Variants in NAV2 observed in about 807,000 individuals in gnomAD.
NAV2 encodes the protein neuron navigator 2.
A neutral mutation model predicts 223.2 loss-of-function variants in NAV2; 54 were observed. The observed-to-expected ratio is 0.24, with a 90% CI of 0.19 to 0.30. The LOEUF is 0.30. Ranked by LOEUF, NAV2 falls within the 10% of genes least tolerant of loss-of-function variation. The pLI is 1.00. For synonymous variants in NAV2, 1,279 were observed against 1,239.3 expected (o/e 1.03, Z -0.67); for missense variants, 2,806 against 3,147.5 (o/e 0.89, Z 2.60).
intron 1 of NAV2, among the ~76,000 whole-genome samples, chr11:19,538,137 T>A (rs929180854): frequency 6.6e-6 from 1 of 152,144 alleles, no homozygotes; most frequent in African/African-American, 2.4e-5. Context: ...TCTTGGTTTG[T>A]TTTTTCTGGT....
At chr11:20,077,178 A>T (rs2059810884) in intron 22 of NAV2, among the ~76,000 whole-genome samples, 1 of 152,214 alleles carries the variant, frequency 6.6e-6, no homozygotes, top group Admixed American at 6.5e-5. Context: ...CTCAAAGTGT[A>T]TATCAGAAGT....
intron 1 of NAV2, among the ~76,000 whole-genome samples, chr11:19,413,527 A>C (rs1431574414): frequency 6.6e-6 from 1 of 152,202 alleles, no homozygotes; most frequent in Non-Finnish European, 1.5e-5. Context: ...AAGAACTTCC[A>C]CATCCTATCA....
At chr11:19,674,050 G>A (rs117455561) in intron 1 of NAV2, among the ~76,000 whole-genome samples, 3,212 of 152,318 alleles carry the variant, frequency 0.021, 54 homozygotes, top group Non-Finnish European at 0.033. Context: ...GGAAAGCAGC[G>A]TGGGCCGTCG....
intron 1 of NAV2, among the ~76,000 whole-genome samples, chr11:19,698,423 T>C (rs1208176690): frequency 6.6e-6 from 1 of 152,168 alleles, no homozygotes; most frequent in African/African-American, 2.4e-5. Context: ...TGGAGAGCCA[T>C]TGAATAAACC....
At chr11:19,605,410 G>A (rs554339609) in intron 1 of NAV2, among the ~76,000 whole-genome samples, 122 of 151,868 alleles carry the variant, frequency 8.0e-4, no homozygotes, top group South Asian at 2.5e-3. Context: ...TGTATTTACC[G>A]TTTCCTCTTG....
At chr11:19,885,350 C>T (rs974209686) in intron 5 of NAV2, among the ~76,000 whole-genome samples, 1 of 152,210 alleles carries the variant, frequency 6.6e-6, no homozygotes, top group Non-Finnish European at 1.5e-5. Context: ...CTTCCCTCTC[C>T]TTCAATTCTG....
intron 1 of NAV2, among the ~76,000 whole-genome samples, chr11:19,823,646 A>G (rs1381748584): frequency 6.6e-6 from 1 of 152,204 alleles, no homozygotes; most frequent in East Asian, 1.9e-4. Flanking sequence ...CAGCTTATAC[A>G]GTTTCTAAAG....
At chr11:19,754,655 C>T (rs1388170586) in intron 1 of NAV2, among the ~76,000 whole-genome samples, 2 of 152,126 alleles carry the variant, frequency 1.3e-5, no homozygotes, top group Non-Finnish European at 2.9e-5. Context: ...TCATTTTTAC[C>T]CCATGACAAC....
chr11:19,869,138 G>T, intron 4 of NAV2, 141 bp downstream of exon 4: 1 of 782,854 alleles, frequency 1.3e-6, no homozygotes, highest in Non-Finnish European at 2.0e-6. Flanking sequence ...TTGCTCAGTG[G>T]TTGCCTAGAC....
chr11:20,029,302 G>T (rs1398687621), intron 11 of NAV2, among the ~76,000 whole-genome samples: 2 of 152,220 alleles, frequency 1.3e-5, no homozygotes, highest in African/African-American at 4.8e-5. Context: ...TTCTGTGGAA[G>T]CCTGGAGCAA....
chr11:19,464,992 C>T (rs1371100013), intron 1 of NAV2, among the ~76,000 whole-genome samples: 1 of 152,128 alleles, frequency 6.6e-6, no homozygotes, highest in Admixed American at 6.5e-5. Context: ...ACGGGCTAGC[C>T]TGGAGTTGGG....
intron 1 of NAV2, among the ~76,000 whole-genome samples, chr11:19,492,686 A>G (rs568122177): frequency 1.1e-4 from 17 of 152,324 alleles, no homozygotes; most frequent in African/African-American, 4.1e-4. Context: ...CCTATTTAGC[A>G]AAAGCAAATC....
chr11:20,020,319 T>C (rs549083100), intron 11 of NAV2, among the ~76,000 whole-genome samples: 18 of 152,366 alleles, frequency 1.2e-4, no homozygotes, highest in African/African-American at 4.3e-4. Flanking sequence ...ACTGATAACA[T>C]TGTTTCTGTG....
At chr11:19,654,114 C>T (rs953324503) in intron 1 of NAV2, among the ~76,000 whole-genome samples, 2 of 152,152 alleles carry the variant, frequency 1.3e-5, no homozygotes, top group African/African-American at 4.8e-5. Flanking sequence ...AACAGAGAGC[C>T]AAATCATGAG....
chr11:19,411,846 A>G (rs1271723060), intron 1 of NAV2, among the ~76,000 whole-genome samples: 4 of 152,140 alleles, frequency 2.6e-5, no homozygotes, highest in African/African-American at 9.7e-5. Flanking sequence ...TGCACTGGGG[A>G]GTAAATGTCC....
intron 7 of NAV2, among the ~76,000 whole-genome samples, chr11:19,935,864 T>TTG (rs2045833117): frequency 9.9e-6 from 1 of 101,154 alleles, no homozygotes; most frequent in East Asian, 3.3e-4. Context: ...TTTTTTTTTT[T>TTG]TTTTTTTTTT....
intron 1 of NAV2, among the ~76,000 whole-genome samples, chr11:19,370,264 G>A (rs1848427054): frequency 6.6e-6 from 1 of 152,222 alleles, no homozygotes; most frequent in South Asian, 2.1e-4. Context: ...ATGAGTGAAA[G>A]AATGTCTAAT....
chr11:19,564,257 C>G (rs907365299), intron 1 of NAV2, among the ~76,000 whole-genome samples: 1 of 152,166 alleles, frequency 6.6e-6, no homozygotes, highest in Non-Finnish European at 1.5e-5. Context: ...GTGGGGCGCT[C>G]TCTGGGGGAA....
chr11:20,080,223 C>T lies in NAV2; in HGVS notation c.5325+14C>T, dbSNP rs3758695. On this transcript the variant is annotated intron_variant, in intron 25 of 37. Transcript: ENST00000349880. ...CGGAAGAACTGGGTGAGTGCACATCCACTCTCCTGGGGACTGACGGACAGA... is the reference window on the plus strand; with the variant it reads ...CGGAAGAACTGGGTGAGTGCACATCTACTCTCCTGGGGACTGACGGACAGA... 0.24 allele frequency: 380,679 copies of T among 1,606,700 alleles called. 49,813 individuals are homozygous for T. The highest frequency in any genetic ancestry group is 0.59 in the East Asian group (26,446 of 44,654).
Sources: allele counts gnomAD v4.1 joint callset (sites outside exome capture counted in the v4.1 genomes callset), GRCh38; gene constraint gnomAD v4.1.1; transcripts MANE v1.5; gene names NCBI Gene and HGNC (gene_info 2026-07-23, HGNC 2026-07-21).